Variants in PCDH9 observed in about 807,000 individuals in gnomAD.
The protein encoded by PCDH9 is protocadherin 9.
In PCDH9, 24 loss-of-function variants were observed where a neutral mutation model predicts 70.6. The observed-to-expected ratio is 0.34, with a 90% CI of 0.25 to 0.48. The LOEUF is 0.48. Among genes scored for constraint, PCDH9 ranks in the 20% least tolerant of loss-of-function variants. The pLI is 0.99. For missense variants in PCDH9, 1,281 were observed against 1,503.6 expected (o/e 0.85, Z 2.45); for synonymous variants, 562 against 558.5 (o/e 1.01, Z -0.09).
chr13:66,394,682 A>G lies in PCDH9; in HGVS notation c.3341-89654T>C, dbSNP rs527289339. 1.6e-4 allele frequency among the ~76,000 whole-genome samples: 24 copies of G among 152,310 alleles called. No individual in the cohort carries two copies. In the South Asian group the frequency reaches 5.0e-3, roughly 32 times the overall value. The stretch of plus-strand genomic sequence containing the variant: ...TTACAATGTCAACTGCCCTCTTTCT[A>G]ATTTGGTGTTTAGTTAAAGACAAAA... On this transcript the variant is annotated intron_variant, in intron 4 of 4. Transcript: ENST00000377865.
chr13:66,631,261 C>T lies in PCDH9; in HGVS notation c.3289G>A (p.Ala1097Thr). The part of the protein sequence containing the change: ...VQPQDEFYDQ[A>T]SPDKRTEADG... ...GCTTCAGTCCTCTTGTCCGGAGAGG[C>T]CTGGTCATAGAATTCGTCCTGTGGC... Residue 1097 changes from alanine to threonine, a missense_variant, in exon 4 of 5, where the codon GCC becomes ACC. Physicochemically the swap from Ala to Thr is moderately conservative, Grantham distance 58 (BLOSUM62 0). Around this residue, in one of 4 missense-constraint regions of PCDH9, gnomAD observed 264 missense variants for 278.8 expected, o/e 0.95. Transcript: ENST00000377865. The T allele has an allele frequency of 6.2e-7, 1 of 1,610,814 alleles. No homozygotes were observed. The highest frequency in any genetic ancestry group is 2.2e-5 in the East Asian group (1 of 44,866).
At chr13:66,827,042 T>C (rs1186578417) in intron 3 of PCDH9, among the ~76,000 whole-genome samples, 1 of 152,190 alleles carries the variant, frequency 6.6e-6, no homozygotes. Flanking sequence ...ATACTTGTAG[T>C]CATATGTATC....
intron 2 of PCDH9, among the ~76,000 whole-genome samples, chr13:67,051,981 C>A (rs1390128393): frequency 1.3e-5 from 2 of 152,138 alleles, no homozygotes; most frequent in Non-Finnish European, 2.9e-5. Context: ...AAACTTACCG[C>A]AGCCATGCAA....
At chr13:66,621,662 A>T (rs540330525) in intron 4 of PCDH9, among the ~76,000 whole-genome samples, 1 of 152,354 alleles carries the variant, frequency 6.6e-6, no homozygotes, top group South Asian at 2.1e-4. Flanking sequence ...GGGTCCTAAG[A>T]TCTAAATTTT....
At position 66,656,345 on chromosome 13, in the gene PCDH9, C is replaced by T. The variant is rs770013919; in HGVS notation, c.3139-24934G>A. On this transcript the variant is annotated intron_variant, in intron 3 of 4. Coordinates refer to ENST00000377865, the MANE Select transcript of PCDH9 (RefSeq NM_203487.3). ...TGAGTTAATTAACAGAGAAGGCTTG[C>T]AATTTCCATATTCAGTAGAGTTAAG... 8.3e-4 allele frequency among the ~76,000 whole-genome samples: 127 copies of T among 152,260 alleles called. 1 individual carries two copies. The highest frequency in any genetic ancestry group is 1.1e-3 in the Non-Finnish European group (73 of 68,022).
chr13:66,525,858 A>G (rs1424236630), intron 4 of PCDH9, among the ~76,000 whole-genome samples: 2 of 152,182 alleles, frequency 1.3e-5, no homozygotes, highest in Non-Finnish European at 2.9e-5. Flanking sequence ...CTAAGACGAC[A>G]TACGTTCTTC....
At chr13:67,027,133 C>G (rs1566372405) in intron 2 of PCDH9, among the ~76,000 whole-genome samples, 1 of 151,940 alleles carries the variant, frequency 6.6e-6, no homozygotes. Flanking sequence ...AAGAACAAAG[C>G]TGGAGGCATC....
At chr13:66,736,262 C>T (rs2079147022) in intron 3 of PCDH9, among the ~76,000 whole-genome samples, 1 of 152,096 alleles carries the variant, frequency 6.6e-6, no homozygotes, top group Non-Finnish European at 1.5e-5. Flanking sequence ...GCTAAAGGAC[C>T]TTTAAAGAGG....
chr13:67,010,330 G>T (rs2084429721), intron 2 of PCDH9, among the ~76,000 whole-genome samples: 1 of 151,880 alleles, frequency 6.6e-6, no homozygotes, highest in Non-Finnish European at 1.5e-5. Context: ...ACCTAATCAG[G>T]TAAATTAGCA....
chr13:67,025,038 G>A (rs147300720), intron 2 of PCDH9, among the ~76,000 whole-genome samples: 13 of 152,018 alleles, frequency 8.6e-5, no homozygotes, highest in Non-Finnish European at 1.5e-4. Flanking sequence ...GAACCAATTA[G>A]TCACATGGAA....
At chr13:66,693,482 TA>T (rs773545690) in intron 3 of PCDH9, among the ~76,000 whole-genome samples, 3 of 152,186 alleles carry the variant, frequency 2.0e-5, no homozygotes, top group Non-Finnish European at 4.4e-5. Flanking sequence ...AACTTGGTGA[TA>T]AAATTAGTAA....
intron 4 of PCDH9, among the ~76,000 whole-genome samples, chr13:66,434,057 G>A (rs1957822760): frequency 6.6e-6 from 1 of 151,796 alleles, no homozygotes; most frequent in Admixed American, 6.6e-5. Flanking sequence ...TGTATCCAAT[G>A]TCCCTTTAAC....
At chr13:66,312,946 G>A (rs532291768) in intron 4 of PCDH9, among the ~76,000 whole-genome samples, 4 of 152,316 alleles carry the variant, frequency 2.6e-5, no homozygotes, top group Admixed American at 2.0e-4. Context: ...GCCACGCCAA[G>A]CAGGGAATTC....
chr13:67,073,348 CTT>C (rs1345762548), intron 2 of PCDH9, among the ~76,000 whole-genome samples: 4 of 151,968 alleles, frequency 2.6e-5, no homozygotes, highest in African/African-American at 7.2e-5. Context: ...TATGATGAAA[CTT>C]TATATATCAA....
intron 4 of PCDH9, among the ~76,000 whole-genome samples, chr13:66,323,774 T>C (rs565651077): frequency 6.6e-6 from 1 of 152,036 alleles, no homozygotes; most frequent in Admixed American, 6.5e-5. Flanking sequence ...TAGTCAAAGC[T>C]ATCCTTGAAG....
At chr13:66,491,010 T>C (rs1212441945) in intron 4 of PCDH9, among the ~76,000 whole-genome samples, 2 of 152,216 alleles carry the variant, frequency 1.3e-5, no homozygotes, top group African/African-American at 4.8e-5. Flanking sequence ...AGAAATGAGA[T>C]ATACTCTCAC....
chr13:66,534,921 G>C (rs1960627845), intron 4 of PCDH9, among the ~76,000 whole-genome samples: 1 of 151,980 alleles, frequency 6.6e-6, no homozygotes. Flanking sequence ...ATACCTGGCA[G>C]GCATATTTTA....
intron 3 of PCDH9, among the ~76,000 whole-genome samples, chr13:66,738,679 G>C (rs1457431346): frequency 6.7e-6 from 1 of 148,508 alleles, no homozygotes; most frequent in African/African-American, 2.5e-5. Context: ...CAAGGCTCGA[G>C]AACTACGTGA....
chr13:66,497,661 A>AT (rs1238857058), intron 4 of PCDH9, among the ~76,000 whole-genome samples: 1 of 152,132 alleles, frequency 6.6e-6, no homozygotes, highest in Non-Finnish European at 1.5e-5. Context: ...ATTAGGAGAC[A>AT]TTTTTGGCAT....
Sources: allele counts gnomAD v4.1 joint callset (sites outside exome capture counted in the v4.1 genomes callset), GRCh38; gene constraint gnomAD v4.1.1; regional missense constraint gnomAD v4.1.1; transcripts MANE v1.5; gene names NCBI Gene and HGNC (gene_info 2026-07-23, HGNC 2026-07-21).